The following VAMP4 variants were observed in gnomAD, a reference collection of about 807,000 sequenced individuals.
The protein encoded by VAMP4 is vesicle associated membrane protein 4.
In VAMP4, 19 loss-of-function variants were observed where a neutral mutation model predicts 23.5. That is an observed-to-expected ratio of 0.81 (90% CI 0.56 to 1.19). The LOEUF (loss-of-function observed/expected upper bound fraction) is 1.19. Among genes scored for constraint, VAMP4 ranks in the 50% most tolerant of loss-of-function variants. The pLI, the probability that VAMP4 is intolerant of heterozygous loss-of-function variation, is 0.00. For missense variants in VAMP4, 145 were observed against 168.6 expected, an observed-to-expected ratio of 0.86 and a Z score of 0.78; for synonymous variants, 31 against 51.0, an observed-to-expected ratio of 0.61 and a Z score of 1.67.
At chr1:171,740,166 G>A (rs918598208) in intron 1 of VAMP4, among the ~76,000 whole-genome samples, 2 of 152,156 alleles carry the variant, frequency 1.3e-5, no homozygotes, top group Non-Finnish European at 2.9e-5. Flanking sequence ...TGAAACAGCA[G>A]AGATACAGGC....
At chr1:171,735,723 A>T (rs1385008393) in intron 2 of VAMP4, among the ~76,000 whole-genome samples, 1 of 152,202 alleles carries the variant, frequency 6.6e-6, no homozygotes, top group Non-Finnish European at 1.5e-5. Flanking sequence ...CTGAATATTC[A>T]TCAGGAGCTT....
chr1:171,710,845 C>T lies in VAMP4; in HGVS notation c.165-31G>A. ...TTAAAAAAGATACACAATTATTTAT[C>T]CTTCTTTTGAGAATGCTTACAATTT... On this transcript the variant is annotated intron_variant, in intron 4 of 7. Transcript: ENST00000236192. 4 of 1,497,236 alleles carry T rather than the reference C, an allele frequency of 2.7e-6. No homozygotes were observed. In the South Asian group the frequency reaches 3.6e-5, roughly 14 times the overall value. 92.7% of individuals were successfully genotyped at this position (1,497,236 alleles called of 1,614,324 possible).
At chr1:171,723,739 A>T (rs1203134257) in intron 3 of VAMP4, among the ~76,000 whole-genome samples, 1 of 152,228 alleles carries the variant, frequency 6.6e-6, no homozygotes, top group Non-Finnish European at 1.5e-5. Context: ...GCTTACGAAG[A>T]TGACGGGATT....
At chr1:171,734,753 T>C (rs1436647403) in intron 2 of VAMP4, among the ~76,000 whole-genome samples, 1 of 152,176 alleles carries the variant, frequency 6.6e-6, no homozygotes, top group African/African-American at 2.4e-5. Flanking sequence ...AGGAGTTCTC[T>C]TGAAACAGTC....
chr1:171,739,758 G>A (rs1304416359), intron 1 of VAMP4, among the ~76,000 whole-genome samples: 1 of 152,204 alleles, frequency 6.6e-6, no homozygotes, highest in Non-Finnish European at 1.5e-5. Context: ...TCTGTGTTGA[G>A]AGAGAATAGG....
At chr1:171,723,418 T>A (rs1367405379) in intron 3 of VAMP4, among the ~76,000 whole-genome samples, 1 of 152,164 alleles carries the variant, frequency 6.6e-6, no homozygotes, top group African/African-American at 2.4e-5. Context: ...AAGACACACA[T>A]TCCCAGAGCA....
rs1316095661 is a variant in VAMP4, at chr1:171,702,411, A to C, written c.*2095T>G. 1 of 152,020 alleles carries C rather than the reference A, an allele frequency of 6.6e-6. No individual in the cohort carries two copies. Among genetic ancestry groups the C allele is most frequent in the Non-Finnish European group, 1.5e-5 (1 of 67,908 alleles). The allele number at this position is 152,020 out of a possible 1,614,324, so 9.4% of individuals were successfully genotyped here. On this transcript the variant is annotated 3_prime_UTR_variant, in exon 8 of 8. Transcript: ENST00000236192. ...TCAAAAAATTTTACTGTTACTTATTATTTAAATTTAAAAATTTTATAATTT... is the reference window on the plus strand; with the variant it reads ...TCAAAAAATTTTACTGTTACTTATTCTTTAAATTTAAAAATTTTATAATTT...
intron 4 of VAMP4, 92 bp downstream of exon 4, chr1:171,719,079 C>G (rs905509832): frequency 6.4e-6 from 7 of 1,092,470 alleles, no homozygotes; most frequent in Non-Finnish European, 9.3e-6. Context: ...CAAAAACAGG[C>G]TGCAGCCAGA....
chr1:171,729,073 A>T (rs565435113), intron 2 of VAMP4, among the ~76,000 whole-genome samples: 1 of 152,296 alleles, frequency 6.6e-6, no homozygotes, highest in East Asian at 1.9e-4. Flanking sequence ...ACAAATTTGA[A>T]CTTCCAAACA....
Position 171,703,419 on chromosome 1 carries a change from T to TTGTG in VAMP4, c.*1083_*1086dup, listed in dbSNP as rs1282124230. The TTGTG allele has an allele frequency of 8.0e-5, 7 of 87,958 alleles. No homozygotes were observed. The South Asian group carries it at 1.5e-3, about 19-fold the overall frequency. 5.4% of individuals were successfully genotyped at this position (87,958 alleles called of 1,614,324 possible). A position where few individuals can be genotyped will look rare whatever the true frequency, so the allele number is the denominator to read the frequency against. On this transcript the variant is annotated 3_prime_UTR_variant, in exon 8 of 8. Coordinates refer to ENST00000236192, the MANE Select transcript of VAMP4 (RefSeq NM_003762.5). ...TGTGTGTGTGTGTGTGTGTGTGTGT[T>TTGTG]TGTGTGTATATATATATATATATAT...
intron 6 of VAMP4, among the ~76,000 whole-genome samples, chr1:171,708,865 T>C (rs1432514944): frequency 8.7e-6 from 1 of 114,556 alleles, no homozygotes; most frequent in Admixed American, 1.0e-4. Context: ...AGAGCAAAAC[T>C]CTATCTCAAA....
At chr1:171,731,230 C>T (rs922373937) in intron 2 of VAMP4, among the ~76,000 whole-genome samples, 2 of 151,852 alleles carry the variant, frequency 1.3e-5, no homozygotes, top group African/African-American at 4.8e-5. Context: ...AACACATGGA[C>T]ACAGGAAGGG....
intron 5 of VAMP4, among the ~76,000 whole-genome samples, chr1:171,710,240 C>T (rs1654805418): frequency 8.1e-6 from 1 of 124,198 alleles, no homozygotes; most frequent in Admixed American, 7.9e-5. Flanking sequence ...TTCAGCCATT[C>T]ACCAAACAAT....
At chr1:171,709,829 A>G (rs1654791609) in intron 5 of VAMP4, 85 bp from the exon 6 acceptor site, 1 of 1,099,522 alleles carries the variant, frequency 9.1e-7, no homozygotes, top group South Asian at 1.3e-5. Flanking sequence ...GAAAATATTA[A>G]TTTCTACTTC....
chr1:171,731,674 T>A (rs1033080282), intron 2 of VAMP4, among the ~76,000 whole-genome samples: 1 of 152,114 alleles, frequency 6.6e-6, no homozygotes, highest in South Asian at 2.1e-4. Context: ...ATGTGACTGG[T>A]TTGAATGTCC....
Position 171,719,236 on chromosome 1 carries a change from A to G in VAMP4, c.114-15T>C, listed in dbSNP as rs1558109520. ...ATGGTCCCCTTCTGAAAACAAGTAC[A>G]TACCAAGTACATATTAGTAGTGACA... On this transcript the variant is annotated splice_polypyrimidine_tract_variant and intron_variant, in intron 3 of 7. Coordinates refer to ENST00000236192, the MANE Select transcript of VAMP4 (RefSeq NM_003762.5). 6.2e-7 allele frequency: 1 copy of G among 1,608,218 alleles called. No individual in the cohort carries two copies. The highest frequency in any genetic ancestry group is 1.1e-5 in the South Asian group (1 of 90,552).
intron 2 of VAMP4, among the ~76,000 whole-genome samples, chr1:171,731,501 C>T (rs1655567463): frequency 6.6e-6 from 1 of 152,100 alleles, no homozygotes; most frequent in East Asian, 1.9e-4. Context: ...GGGGTGACTA[C>T]ATGAGATTAG....
chr1:171,715,762 A>C (rs1287579102), intron 4 of VAMP4, among the ~76,000 whole-genome samples: 1 of 152,204 alleles, frequency 6.6e-6, no homozygotes, highest in Non-Finnish European at 1.5e-5. Flanking sequence ...CAATCCTAGC[A>C]TTCTGGGAGA....
chr1:171,737,914 T>A (rs1204611478), intron 2 of VAMP4, among the ~76,000 whole-genome samples: 1 of 152,242 alleles, frequency 6.6e-6, no homozygotes, highest in Non-Finnish European at 1.5e-5. Flanking sequence ...ACATTTGCTA[T>A]GAAGAAAACA....
Sources: allele counts gnomAD v4.1 joint callset (sites outside exome capture counted in the v4.1 genomes callset), GRCh38; gene constraint gnomAD v4.1.1; transcripts MANE v1.5; gene names NCBI Gene and HGNC (gene_info 2026-07-23, HGNC 2026-07-21).